The following LYRM2 variants were observed in gnomAD, a reference collection of about 807,000 sequenced individuals.
LYRM2 encodes the protein LYR motif-containing protein 2.
In LYRM2, 8 loss-of-function variants were observed where a neutral mutation model predicts 11.6. The observed-to-expected ratio is 0.69, with a 90% CI of 0.40 to 1.24. The LOEUF is 1.24. LYRM2 is among the 50% of genes most tolerant of loss of function. The pLI is 0.01. For missense variants in LYRM2, 117 were observed against 102.9 expected, an observed-to-expected ratio of 1.14 and a Z score of -0.59; for synonymous variants, 30 against 36.4, an observed-to-expected ratio of 0.83 and a Z score of 0.63.
At position 89,632,391 on chromosome 6, in the gene LYRM2, C is replaced by T. The variant is rs1193087897; in HGVS notation, c.*4882G>A. On this transcript the variant is annotated 3_prime_UTR_variant, in exon 3 of 3. Coordinates refer to ENST00000523377, the MANE Select transcript of LYRM2 (RefSeq NM_020466.5). ...GAAAAATAATTCAGTAGATATATGTCACTGTTACCTGAATATGGAATGAAT... is the reference window on the plus strand; with the variant it reads ...GAAAAATAATTCAGTAGATATATGTTACTGTTACCTGAATATGGAATGAAT... 2 of 151,732 alleles carry T rather than the reference C, an allele frequency of 1.3e-5. No individual in the cohort carries two copies. The highest frequency in any genetic ancestry group is 2.9e-5 in the Non-Finnish European group (2 of 67,996). The allele number at this position is 151,732 out of a possible 1,614,324, so 9.4% of individuals were successfully genotyped here.
At chr6:89,638,208 T>C (rs1808069371) in intron 1 of LYRM2, 1 of 885,296 alleles carries the variant, frequency 1.1e-6, no homozygotes, top group Admixed American at 4.5e-5. Context: ...ACGAGGTTCA[T>C]CTGATCTTTT....
chr6:89,635,164 G>A lies in LYRM2; in HGVS notation c.*2109C>T, dbSNP rs1385594913. On this transcript the variant is annotated 3_prime_UTR_variant, in exon 3 of 3. Coordinates refer to ENST00000523377, the MANE Select transcript of LYRM2 (RefSeq NM_020466.5). ...TGAAAACCTTTCCATGCACACCACT[G>A]TTAGGAAGAGCATCATTAAATCACT... 1.3e-5 allele frequency: 2 copies of A among 152,034 alleles called. No homozygotes were observed. The highest frequency in any genetic ancestry group is 3.8e-4 in the East Asian group (2 of 5,204). The allele number at this position is 152,034 out of a possible 1,614,324, so 9.4% of individuals were successfully genotyped here.
In LYRM2 at chr6:89,638,717, G is replaced by A. The variant is rs144829357; in HGVS notation, c.-1C>T. 303 of 1,614,106 alleles carry A rather than the reference G, an allele frequency of 1.9e-4. 2 individuals are homozygous for A. In the African/African-American group the frequency reaches 2.5e-3, roughly 13 times the overall value. On this transcript the variant is annotated 5_prime_UTR_variant, in exon 1 of 3. Coordinates refer to ENST00000523377, the MANE Select transcript of LYRM2 (RefSeq NM_020466.5). The stretch of plus-strand genomic sequence containing the variant: ...CTGGGGGTAAGCGGGAAGCAGCCAT[G>A]TCCACCAGAGGTCCGCCGGAGCCTC...
chr6:89,638,502 C>A, intron 1 of LYRM2, 170 bp downstream of exon 1: 1 of 1,525,704 alleles, frequency 6.6e-7, no homozygotes, highest in Non-Finnish European at 8.8e-7. Flanking sequence ...GCCAGTGCCT[C>A]CCGTCAGGCC....
Position 89,636,697 on chromosome 6 carries a change from T to A in LYRM2, c.*576A>T, listed in dbSNP as rs1808015314. ...TCAGGGTTGTTTTTTTTTTTTTTTT[T>A]TAGAGACTGTCTCACTCTGTCACCC... On this transcript the variant is annotated 3_prime_UTR_variant, in exon 3 of 3. Transcript: ENST00000523377. 6.6e-6 allele frequency: 1 copy of A among 151,638 alleles called. No homozygotes were observed. The highest frequency in any genetic ancestry group is 2.4e-5 in the African/African-American group (1 of 41,260). The allele number at this position is 151,638 out of a possible 1,614,324, so 9.4% of individuals were successfully genotyped here.
intron 1 of LYRM2, 83 bp from the exon 2 acceptor site, chr6:89,637,965 C>T (rs1025374142): frequency 3.0e-6 from 4 of 1,340,800 alleles, no homozygotes; most frequent in African/African-American, 3.0e-5. Context: ...CAAGCTGTAA[C>T]CAGAGTACTT....
At position 89,632,329 on chromosome 6, in the gene LYRM2, TTA is replaced by T. The variant is rs1491168391; in HGVS notation, c.*4942_*4943del. On this transcript the variant is annotated 3_prime_UTR_variant, in exon 3 of 3. Coordinates refer to ENST00000523377, the MANE Select transcript of LYRM2 (RefSeq NM_020466.5). The stretch of plus-strand genomic sequence containing the variant: ...TCAGTTTTAGGGTTTTTTCTTTTTT[TTA>T]TAGTGACAATCCATAGATATAGACA... 6.6e-6 allele frequency: 1 copy of T among 150,796 alleles called. No homozygotes were observed. Among genetic ancestry groups the T allele is most frequent in the South Asian group, 2.1e-4 (1 of 4,690 alleles). The allele number at this position is 150,796 out of a possible 1,614,324, so 9.3% of individuals were successfully genotyped here.
In LYRM2 at chr6:89,633,378, ATATTTTTCCT is replaced by A. The variant is rs1422900956; in HGVS notation, c.*3885_*3894del. ...AAAAACTTAACTGCAGGTCCAGTGT[ATATTTTTCCT>A]TATTTTTCCCTTTTAGCTATCTGCT... On this transcript the variant is annotated 3_prime_UTR_variant, in exon 3 of 3. Transcript: ENST00000523377. 1 of 152,218 alleles carries A rather than the reference ATATTTTTCCT, an allele frequency of 6.6e-6. No individual in the cohort carries two copies. Among genetic ancestry groups the A allele is most frequent in the Non-Finnish European group, 1.5e-5 (1 of 68,036 alleles). 9.4% of individuals were successfully genotyped at this position (152,218 alleles called of 1,614,324 possible). A position where few individuals can be genotyped will look rare whatever the true frequency, so the allele number is the denominator to read the frequency against.
At chr6:89,638,144 C>A (rs1808066908) in intron 1 of LYRM2, 4 of 629,410 alleles carry the variant, frequency 6.4e-6, no homozygotes, top group Non-Finnish European at 9.4e-6. Context: ...CTACTGCACT[C>A]AGCCTGGGCG....
At chr6:89,637,983 G>T in intron 1 of LYRM2, 101 bp from the exon 2 acceptor site, 5 of 1,221,086 alleles carry the variant, frequency 4.1e-6, no homozygotes, top group Non-Finnish European at 4.5e-6. Context: ...CTTCTCGTTG[G>T]TCAATTTTGA....
rs943710036 is a variant in LYRM2 at position 89,638,122 on chromosome 6, G to C, written c.46-240C>G. On this transcript the variant is annotated intron_variant, in intron 1 of 2. Transcript: ENST00000523377. ...GCCCAGGAGGTCTAAGCTGAGGTAA[G>C]CCTTCATTGCGCTACTGCACTCAGC... 2.2e-5 allele frequency: 13 copies of C among 603,986 alleles called. No homozygotes were observed. The African/African-American group carries it at 2.3e-4, about 10-fold the overall frequency. The allele number at this position is 603,986 out of a possible 1,614,324, so 37.4% of individuals were successfully genotyped here.
In LYRM2 at chr6:89,633,397, C is replaced by T. The variant is rs1807784186; in HGVS notation, c.*3876G>A. 6.6e-6 allele frequency: 1 copy of T among 152,106 alleles called. No individual in the cohort carries two copies. Among genetic ancestry groups the T allele is most frequent in the African/African-American group, 2.4e-5 (1 of 41,402 alleles). 9.4% of individuals were successfully genotyped at this position (152,106 alleles called of 1,614,324 possible). ...CAGTGTATATTTTTCCTTATTTTTC[C>T]CTTTTAGCTATCTGCTAAAGTGAGT... On this transcript the variant is annotated 3_prime_UTR_variant, in exon 3 of 3. Transcript: ENST00000523377.
rs1196612195 is a variant in LYRM2, at chr6:89,635,425, T to G, written c.*1848A>C. The G allele has an allele frequency of 6.6e-6, 1 of 152,230 alleles. No individual in the cohort carries two copies. The highest frequency in any genetic ancestry group is 6.5e-5 in the Admixed American group (1 of 15,290). 9.4% of individuals were successfully genotyped at this position (152,230 alleles called of 1,614,324 possible). A position where few individuals can be genotyped will look rare whatever the true frequency, so the allele number is the denominator to read the frequency against. On this transcript the variant is annotated 3_prime_UTR_variant, in exon 3 of 3. Transcript: ENST00000523377. The stretch of plus-strand genomic sequence containing the variant: ...ATTTTGAATTAGTAGATTACCCCCA[T>G]GGAACAGTATTCAGAATTATTTTGT...
rs1375775972 is a variant in LYRM2 at position 89,635,183 on chromosome 6, A to C, written c.*2090T>G. Reference sequence around the variant, plus strand: ...ACCACTGTTAGGAAGAGCATCATTAAATCACTGACTTCTACACCCATAAAA... The same window carrying C: ...ACCACTGTTAGGAAGAGCATCATTACATCACTGACTTCTACACCCATAAAA... On this transcript the variant is annotated 3_prime_UTR_variant, in exon 3 of 3. Coordinates refer to ENST00000523377, the MANE Select transcript of LYRM2 (RefSeq NM_020466.5). The C allele has an allele frequency of 6.6e-6, 1 of 152,200 alleles. No individual in the cohort carries two copies. 9.4% of individuals were successfully genotyped at this position (152,200 alleles called of 1,614,324 possible). A position where few individuals can be genotyped will look rare whatever the true frequency, so the allele number is the denominator to read the frequency against.
chr6:89,637,444 C>T (rs1808038011), intron 2 of LYRM2, 91 bp from the exon 3 acceptor site: 2 of 822,772 alleles, frequency 2.4e-6, no homozygotes, highest in Admixed American at 2.7e-5. Context: ...AGAACCAATA[C>T]TACCTATTGG....
chr6:89,638,660 A>G lies in LYRM2; in HGVS notation c.45+12T>C, dbSNP rs374669633. On this transcript the variant is annotated intron_variant, in intron 1 of 2. Transcript: ENST00000523377. ...AGGTAAGCTGCTTTGGAAGGCAGAG[A>G]ACCGCCGGTACCTGCTTTAACGTTA... 5.8e-5 allele frequency: 93 copies of G among 1,613,936 alleles called. No individual in the cohort carries two copies. In the African/African-American group the frequency reaches 1.2e-3, roughly 20 times the overall value.
rs1261734365 is a variant in LYRM2 at position 89,634,529 on chromosome 6, A to AT, written c.*2743dup. 1.3e-5 allele frequency: 2 copies of AT among 151,738 alleles called. No homozygotes were observed. The highest frequency in any genetic ancestry group is 2.9e-5 in the Non-Finnish European group (2 of 67,950). The allele number at this position is 151,738 out of a possible 1,614,324, so 9.4% of individuals were successfully genotyped here. A position where few individuals can be genotyped will look rare whatever the true frequency, so the allele number is the denominator to read the frequency against. On this transcript the variant is annotated 3_prime_UTR_variant, in exon 3 of 3. Transcript: ENST00000523377. ...GAGACTAGCCTGGCAACAAAGTGAGATTCCCCCTCCTCTCTCTGAAAAGTA... is the reference window on the plus strand; with the variant it reads ...GAGACTAGCCTGGCAACAAAGTGAGATTTCCCCCTCCTCTCTCTGAAAAGTA...
At chr6:89,637,673 C>CG in intron 2 of LYRM2, 69 bp downstream of exon 2, 2 of 1,531,906 alleles carry the variant, frequency 1.3e-6, no homozygotes, top group East Asian at 2.3e-5. Context: ...GTCTGCTAAA[C>CG]TTAAAAAAAA....
At chr6:89,637,941 C>G in intron 1 of LYRM2, 59 bp from the exon 2 acceptor site, 1 of 1,508,172 alleles carries the variant, frequency 6.6e-7, no homozygotes, top group Non-Finnish European at 9.1e-7. Context: ...CTGGAAAGTT[C>G]TACTTCAGCA....
Sources: gnomAD v4.1 joint callset for allele counts on GRCh38, gnomAD v4.1.1 for gene constraint, MANE v1.5 for transcripts, NCBI Gene and HGNC (gene_info 2026-07-23, HGNC 2026-07-21) for gene names.